The following TRIM44 variants were observed in gnomAD, a reference collection of about 807,000 sequenced individuals.
TRIM44 encodes the protein tripartite motif containing 44, also known as tripartite motif-containing protein 44.
A neutral mutation model predicts 37.4 loss-of-function variants in TRIM44; 13 were observed. The ratio of observed to expected loss-of-function variants is 0.35; its 90% CI spans 0.23 to 0.55. The LOEUF is 0.55. Ranked by LOEUF, TRIM44 falls within the 20% of genes least tolerant of loss-of-function variation. TRIM44 has a pLI of 0.89. For missense variants in TRIM44, 426 were observed against 437.2 expected (o/e 0.97, Z 0.23); for synonymous variants, 175 against 157.2 (o/e 1.11, Z -0.85).
intron 4 of TRIM44, among the ~76,000 whole-genome samples, chr11:35,776,795 T>G (rs1417988544): frequency 6.6e-6 from 1 of 152,252 alleles, no homozygotes; most frequent in African/African-American, 2.4e-5. Flanking sequence ...TGAGTTCTAG[T>G]TTGATTGCAC....
chr11:35,702,821 G>T (rs890704888), intron 2 of TRIM44, among the ~76,000 whole-genome samples: 7 of 152,224 alleles, frequency 4.6e-5, no homozygotes, highest in African/African-American at 1.7e-4. Context: ...AGCTCCCAGC[G>T]TGAGCAACGC....
At chr11:35,782,782 G>T (rs1317932570) in intron 4 of TRIM44, among the ~76,000 whole-genome samples, 1 of 152,192 alleles carries the variant, frequency 6.6e-6, no homozygotes, top group South Asian at 2.1e-4. Context: ...GTGTAGGCTA[G>T]ATACACAAAT....
intron 4 of TRIM44, among the ~76,000 whole-genome samples, chr11:35,760,061 G>A (rs536315952): frequency 3.3e-4 from 51 of 152,336 alleles, no homozygotes; most frequent in Non-Finnish European, 4.6e-4. Flanking sequence ...TTTCTGCTGC[G>A]TTTTGTTTGC....
chr11:35,758,600 G>A (rs1200717787), intron 4 of TRIM44, among the ~76,000 whole-genome samples: 2 of 152,154 alleles, frequency 1.3e-5, no homozygotes, highest in African/African-American at 4.8e-5. Flanking sequence ...AGCCTCAATG[G>A]TCTTTACGAT....
intron 3 of TRIM44, among the ~76,000 whole-genome samples, chr11:35,733,617 A>G (rs148604785): frequency 1.3e-5 from 2 of 152,180 alleles, no homozygotes; most frequent in African/African-American, 4.8e-5. Flanking sequence ...ACTATTGCAG[A>G]TCTTTAACAG....
chr11:35,742,104 G>A (rs1213471694), intron 4 of TRIM44, among the ~76,000 whole-genome samples: 2 of 151,918 alleles, frequency 1.3e-5, no homozygotes, highest in East Asian at 3.9e-4. Context: ...CACCATGCCT[G>A]GCTAATTTTT....
At chr11:35,725,058 G>GCA (rs373473803) in intron 2 of TRIM44, among the ~76,000 whole-genome samples, 68 of 107,368 alleles carry the variant, frequency 6.3e-4, no homozygotes, top group African/African-American at 2.8e-3. Context: ...TAGGAGACAT[G>GCA]CACACACTCA....
chr11:35,750,772 C>T (rs1852550223), intron 4 of TRIM44, among the ~76,000 whole-genome samples: 2 of 152,124 alleles, frequency 1.3e-5, no homozygotes, highest in African/African-American at 4.8e-5. Flanking sequence ...CATCTCTTCA[C>T]CATACTTTGG....
At chr11:35,675,403 G>A (rs147407752) in intron 1 of TRIM44, among the ~76,000 whole-genome samples, 21 of 152,250 alleles carry the variant, frequency 1.4e-4, no homozygotes, top group African/African-American at 4.6e-4. Context: ...TAAGGTTGGC[G>A]TGGCAGAACC....
chr11:35,787,119 G>A (rs542096398), intron 4 of TRIM44, among the ~76,000 whole-genome samples: 3 of 152,284 alleles, frequency 2.0e-5, no homozygotes, highest in East Asian at 3.9e-4. Flanking sequence ...CTGGGAAAGC[G>A]GTGTGGGCGG....
chr11:35,755,596 T>TTACC (rs1852626464), intron 4 of TRIM44, among the ~76,000 whole-genome samples: 1 of 152,230 alleles, frequency 6.6e-6, no homozygotes, highest in East Asian at 1.9e-4. Context: ...ATATCCTGAA[T>TTACC]GGTAATGCCT....
At chr11:35,802,646 C>G (rs747448671) in intron 4 of TRIM44, among the ~76,000 whole-genome samples, 6 of 152,150 alleles carry the variant, frequency 3.9e-5, no homozygotes, top group Non-Finnish European at 7.3e-5. Context: ...TTAGATACAG[C>G]AGTACCCTCA....
intron 3 of TRIM44, 58 bp downstream of exon 3, chr11:35,726,221 T>C (rs928470184): frequency 1.9e-6 from 3 of 1,593,842 alleles, no homozygotes; most frequent in African/African-American, 2.7e-5. Flanking sequence ...ACTGATGCCA[T>C]ATTTGTTAGA....
chr11:35,777,587 G>T (rs562556410), intron 4 of TRIM44, among the ~76,000 whole-genome samples: 1 of 152,252 alleles, frequency 6.6e-6, no homozygotes, highest in South Asian at 2.1e-4. Flanking sequence ...GCAGTGGCTG[G>T]TACCATAGGT....
chr11:35,764,700 C>T (rs750187403), intron 4 of TRIM44, among the ~76,000 whole-genome samples: 5 of 152,100 alleles, frequency 3.3e-5, no homozygotes, highest in South Asian at 2.1e-4. Context: ...AAGAGGAAGA[C>T]GGTTTGCACC....
At chr11:35,759,964 T>G (rs1852700013) in intron 4 of TRIM44, among the ~76,000 whole-genome samples, 1 of 152,248 alleles carries the variant, frequency 6.6e-6, no homozygotes, top group African/African-American at 2.4e-5. Context: ...TGAGGCAGTC[T>G]GTCTGTTCTC....
At position 35,766,643 on chromosome 11, in the gene TRIM44, CCT is replaced by C. The variant is rs145531033; in HGVS notation, c.1007+31199_1007+31200del. On this transcript the variant is annotated intron_variant, in intron 4 of 4. Transcript: ENST00000299413. ...ATTCATCCAGCACATAGTTCTTACCCCTGTTTCTCACTTGCTTTGGCCTCGGC... is the reference window on the plus strand; with the variant it reads ...ATTCATCCAGCACATAGTTCTTACCCGTTTCTCACTTGCTTTGGCCTCGGC... Among the ~76,000 whole-genome samples the C allele has an allele frequency of 8.7e-3, 1,322 of 152,288 alleles. 19 individuals are homozygous for C. The highest frequency in any genetic ancestry group is 0.029 in the African/African-American group (1,203 of 41,560).
At chr11:35,770,133 C>T (rs546219078) in intron 4 of TRIM44, among the ~76,000 whole-genome samples, 10 of 152,274 alleles carry the variant, frequency 6.6e-5, no homozygotes, top group African/African-American at 2.4e-4. Context: ...ATTCAGCTCC[C>T]ACTTACAAAT....
At chr11:35,712,771 C>T (rs114949531) in intron 2 of TRIM44, among the ~76,000 whole-genome samples, 1,634 of 152,228 alleles carry the variant, frequency 0.011, 32 homozygotes, top group African/African-American at 0.037. Context: ...CCCATAGCAG[C>T]CACGCTTCAG....
Sources: allele counts gnomAD v4.1 joint callset (sites outside exome capture counted in the v4.1 genomes callset), GRCh38; gene constraint gnomAD v4.1.1; transcripts MANE v1.5; gene names NCBI Gene and HGNC (gene_info 2026-07-23, HGNC 2026-07-21).